Variants in NRXN1 observed in about 807,000 individuals in gnomAD.
The protein encoded by NRXN1 is neurexin 1, also known as neurexin-1.
NRXN1 carries 39 observed loss-of-function variants against 150.9 expected under a neutral mutation model. The ratio of observed to expected loss-of-function variants is 0.26; its 90% CI spans 0.20 to 0.34. The LOEUF is 0.34. NRXN1 is among the 10% of genes least tolerant of loss of function. The pLI is 1.00. For synonymous variants in NRXN1, 924 were observed against 757.0 expected (o/e 1.22, Z -3.62); for missense variants, 1,815 against 1,949.9 (o/e 0.93, Z 1.30).
intron 2 of NRXN1, chr2:50,963,870 T>A (rs540237832): frequency 3.9e-5 from 13 of 333,042 alleles, no homozygotes; most frequent in African/African-American, 2.8e-4. Flanking sequence ...TACACAATGT[T>A]CTGAAAATAG....
rs1050137047 is a variant in NRXN1 at position 50,182,034 on chromosome 2, A to G, written c.3546+54755T>C. Among the ~76,000 whole-genome samples the G allele has an allele frequency of 5.1e-5, 7 of 138,252 alleles. No homozygotes were observed. In the South Asian group the frequency reaches 8.5e-4, roughly 17 times the overall value. The allele number at this position is 138,252 out of a possible 152,430, so 90.7% of individuals were successfully genotyped here. A position where few individuals can be genotyped will look rare whatever the true frequency, so the allele number is the denominator to read the frequency against. On this transcript the variant is annotated intron_variant, in intron 18 of 22. Coordinates refer to ENST00000401669, the MANE Select transcript of NRXN1 (RefSeq NM_001330078.2). ...TTTTTTGGTAGCTTCAAGGGAAAGGAAAAAAAAAATGCCTTCACATTCCTA... is the reference window on the plus strand; with the variant it reads ...TTTTTTGGTAGCTTCAAGGGAAAGGGAAAAAAAAATGCCTTCACATTCCTA...
At chr2:50,950,800 C>A (rs995655721) in intron 2 of NRXN1, among the ~76,000 whole-genome samples, 4 of 152,148 alleles carry the variant, frequency 2.6e-5, no homozygotes, top group African/African-American at 9.7e-5. Context: ...TACAAAGATA[C>A]CTTGTTTATT....
chr2:50,659,776 G>T, intron 5 of NRXN1, among the ~76,000 whole-genome samples: 1 of 148,742 alleles, frequency 6.7e-6, no homozygotes. Flanking sequence ...ATTTTCAACA[G>T]GACTTCCCTT....
In NRXN1 at chr2:49,920,834, C is replaced by T. The variant is rs1668069862; in HGVS notation, c.*1110G>A. On this transcript the variant is annotated 3_prime_UTR_variant, in exon 23 of 23. Transcript: ENST00000401669. Reference sequence around the variant, plus strand: ...ATATATGTGACTTTCTAATTCACACCTTTCATACAAGTACTAAAACTTAAT... The same window carrying T: ...ATATATGTGACTTTCTAATTCACACTTTTCATACAAGTACTAAAACTTAAT... 1 of 151,884 alleles carries T rather than the reference C, an allele frequency of 6.6e-6. No homozygotes were observed. Among genetic ancestry groups the T allele is most frequent in the Admixed American group, 6.6e-5 (1 of 15,166 alleles). The allele number at this position is 151,884 out of a possible 1,614,324, so 9.4% of individuals were successfully genotyped here.
At chr2:50,960,846 T>A (rs1188208016) in intron 2 of NRXN1, among the ~76,000 whole-genome samples, 1 of 152,000 alleles carries the variant, frequency 6.6e-6, no homozygotes, top group African/African-American at 2.4e-5. Context: ...CAAAATTGTG[T>A]ATTTCCAAGA....
intron 22 of NRXN1, among the ~76,000 whole-genome samples, chr2:49,927,592 T>C (rs1274942361): frequency 6.6e-6 from 1 of 152,228 alleles, no homozygotes; most frequent in Non-Finnish European, 1.5e-5. Context: ...GTGACATCCT[T>C]CATTTTTCTT....
intron 8 of NRXN1, among the ~76,000 whole-genome samples, chr2:50,590,440 T>C (rs1345140036): frequency 3.3e-5 from 5 of 152,176 alleles, no homozygotes; most frequent in Admixed American, 6.5e-5. Context: ...GCACAGCTTT[T>C]CCCATGACCT....
chr2:50,086,691 A>C (rs940862668), intron 19 of NRXN1, among the ~76,000 whole-genome samples: 1 of 152,074 alleles, frequency 6.6e-6, no homozygotes, highest in Admixed American at 6.6e-5. Flanking sequence ...AATGTCTTTG[A>C]CTTCTTTGTT....
chr2:50,636,094 T>C (rs1379625362), intron 5 of NRXN1, among the ~76,000 whole-genome samples: 1 of 152,150 alleles, frequency 6.6e-6, no homozygotes, highest in Non-Finnish European at 1.5e-5. Context: ...AACACCCTCA[T>C]TCTAGGAGCA....
intron 5 of NRXN1, among the ~76,000 whole-genome samples, chr2:50,806,864 T>G (rs1456381485): frequency 2.0e-5 from 3 of 152,172 alleles, no homozygotes; most frequent in Non-Finnish European, 4.4e-5. Context: ...TTCTAATTTT[T>G]GGTGAGCATT....
At chr2:50,778,893 C>T (rs765024014) in intron 5 of NRXN1, among the ~76,000 whole-genome samples, 2 of 152,100 alleles carry the variant, frequency 1.3e-5, no homozygotes, top group African/African-American at 2.4e-5. Context: ...TACATGTAAT[C>T]ATGTTTTAGA....
At chr2:50,349,287 C>T (rs527772351) in intron 17 of NRXN1, among the ~76,000 whole-genome samples, 98 of 152,326 alleles carry the variant, frequency 6.4e-4, no homozygotes, top group African/African-American at 2.1e-3. Context: ...GGCCAGCAGA[C>T]GCAAAATCTA....
intron 2 of NRXN1, among the ~76,000 whole-genome samples, chr2:51,016,972 G>GA (rs1575233353): frequency 6.6e-6 from 1 of 152,080 alleles, no homozygotes; most frequent in East Asian, 1.9e-4. Flanking sequence ...GATGAAGCTG[G>GA]AAACCATTGT....
In NRXN1 at chr2:49,920,489, C is replaced by CTATT. The variant is rs1202958286; in HGVS notation, c.*1451_*1454dup. The CTATT allele has an allele frequency of 7.9e-5, 12 of 152,508 alleles. No homozygotes were observed. The highest frequency in any genetic ancestry group is 2.9e-4 in the African/African-American group (12 of 41,394). 9.4% of individuals were successfully genotyped at this position (152,508 alleles called of 1,614,324 possible). A position where few individuals can be genotyped will look rare whatever the true frequency, so the allele number is the denominator to read the frequency against. ...CATGCAGCAGTATATCAGTGATATT[C>CTATT]TATTTGATAAGGAAAGGTTCATTTC... On this transcript the variant is annotated 3_prime_UTR_variant, in exon 23 of 23. Coordinates refer to ENST00000401669, the MANE Select transcript of NRXN1 (RefSeq NM_001330078.2).
chr2:50,980,787 T>C (rs13005436), intron 2 of NRXN1, among the ~76,000 whole-genome samples: 1 of 152,002 alleles, frequency 6.6e-6, no homozygotes, highest in Non-Finnish European at 1.5e-5. Context: ...CCAGAGAGTT[T>C]TCCTGCCTTT....
chr2:50,618,005 A>C (rs889153264), intron 8 of NRXN1, among the ~76,000 whole-genome samples: 1 of 152,160 alleles, frequency 6.6e-6, no homozygotes, highest in Non-Finnish European at 1.5e-5. Flanking sequence ...TATTATTATT[A>C]TTTGGATGCC....
chr2:50,798,036 G>C lies in NRXN1; in HGVS notation c.832+123833C>G, dbSNP rs376031785. 1.5e-3 allele frequency among the ~76,000 whole-genome samples: 222 copies of C among 152,222 alleles called. 9 individuals carry two copies. In the South Asian group the frequency reaches 0.045, roughly 31 times the overall value. ...TGGTAGAAATTGTATGCTAAAAGTA[G>C]ATATTTCCTATGATTCTGTAGAATA... On this transcript the variant is annotated intron_variant, in intron 5 of 22. Coordinates refer to ENST00000401669, the MANE Select transcript of NRXN1 (RefSeq NM_001330078.2).
chr2:50,235,338 T>A (rs567774082), intron 18 of NRXN1, among the ~76,000 whole-genome samples: 1 of 152,062 alleles, frequency 6.6e-6, no homozygotes, highest in Non-Finnish European at 1.5e-5. Flanking sequence ...AGAAATTTGC[T>A]AAAAGGCACC....
At chr2:50,356,685 C>T (rs904166914) in intron 17 of NRXN1, among the ~76,000 whole-genome samples, 3 of 152,074 alleles carry the variant, frequency 2.0e-5, no homozygotes, top group African/African-American at 7.2e-5. Context: ...TACCTTATTG[C>T]CTTCTAAATA....
Sources: gnomAD v4.1 joint callset for allele counts (sites outside exome capture counted in the v4.1 genomes callset) on GRCh38, gnomAD v4.1.1 for gene constraint, MANE v1.5 for transcripts, NCBI Gene and HGNC (gene_info 2026-07-23, HGNC 2026-07-21) for gene names.